SCUBE2: variants seen among roughly 807,000 people sequenced by gnomAD.
The protein encoded by SCUBE2 is signal peptide, CUB and EGF-like domain-containing protein 2.
A neutral mutation model predicts 125.9 loss-of-function variants in SCUBE2; 114 were observed. The observed-to-expected ratio is 0.91, with a 90% CI of 0.78 to 1.06. The LOEUF (loss-of-function observed/expected upper bound fraction) is 1.06, where lower values mean the gene tolerates loss of function less well. Among genes scored for constraint, SCUBE2 ranks in the 50% least tolerant of loss-of-function variants. The probability of loss-of-function intolerance (pLI) is 0.00; values close to 1 mark genes in which losing one functional copy is unlikely to be tolerated. For missense variants in SCUBE2, 1,255 were observed against 1,301.8 expected (o/e 0.96, Z 0.55); for synonymous variants, 459 against 492.9 (o/e 0.93, Z 0.91).
chr11:9,028,388 A>G (rs1111010), intron 19 of SCUBE2, among the ~76,000 whole-genome samples: 81,833 of 151,984 alleles, frequency 0.54, 22,234 homozygotes, highest in East Asian at 0.58. Flanking sequence ...CAGTAGGTAC[A>G]GGGCATGCTG....
rs764550688 is a variant in SCUBE2, at chr11:9,066,916, G to A, written c.644-103C>T. 1.6e-5 allele frequency: 15 copies of A among 913,472 alleles called. No homozygotes were observed. The Admixed American group carries it at 2.0e-4, about 12-fold the overall frequency. The allele number at this position is 913,472 out of a possible 1,614,324, so 56.6% of individuals were successfully genotyped here. ...TGATTTTCATTCTGCAAGTATTTGA[G>A]CACCTAGTGCATGCCAGGCATGGTG... On this transcript the variant is annotated intron_variant, in intron 5 of 22. Coordinates refer to ENST00000649792, the MANE Select transcript of SCUBE2 (RefSeq NM_001367977.2).
At position 9,091,277 on chromosome 11, in the gene SCUBE2, G is replaced by A. The variant is rs964035373; in HGVS notation, c.133+119C>T. On this transcript the variant is annotated intron_variant, in intron 1 of 22. Coordinates refer to ENST00000649792, the MANE Select transcript of SCUBE2 (RefSeq NM_001367977.2). This position sits in a 1 kb window ranked among gnomAD's most constrained non-coding sequence, Gnocchi z 8.5. Reference sequence around the variant, plus strand: ...TCCCGGGGGGAGCAGAGGCCCCCGCGGAGCTGCAGCCGCCAGCCCCGAGCC... The same window carrying A: ...TCCCGGGGGGAGCAGAGGCCCCCGCAGAGCTGCAGCCGCCAGCCCCGAGCC... 2.9e-6 allele frequency: 2 copies of A among 680,842 alleles called. No homozygotes were observed. Among genetic ancestry groups the A allele is most frequent in the Non-Finnish European group, 4.0e-6 (2 of 499,354 alleles). 42.2% of individuals were successfully genotyped at this position (680,842 alleles called of 1,614,324 possible). A position where few individuals can be genotyped will look rare whatever the true frequency, so the allele number is the denominator to read the frequency against.
intron 5 of SCUBE2, among the ~76,000 whole-genome samples, 194 bp from the exon 6 acceptor site, chr11:9,067,007 T>C (rs543453540): frequency 3.0e-4 from 46 of 152,264 alleles, no homozygotes; most frequent in African/African-American, 1.0e-3. Flanking sequence ...ACAATACAAA[T>C]TGTAGAAATG....
chr11:9,089,940 A>G, intron 1 of SCUBE2, 111 bp from the exon 2 acceptor site: 2 of 1,367,282 alleles, frequency 1.5e-6, no homozygotes, highest in Non-Finnish European at 2.0e-6. Context: ...ACTCCTCACA[A>G]GCTACAGCTG....
At chr11:9,055,677 G>T in intron 10 of SCUBE2, 116 bp downstream of exon 10, 1 of 746,766 alleles carries the variant, frequency 1.3e-6, no homozygotes, top group South Asian at 1.6e-5. Context: ...ATTGCTCAGG[G>T]ACTGCAATGT....
chr11:9,021,851 A>T lies in SCUBE2; in HGVS notation c.2934+25T>A, dbSNP rs775957120. On this transcript the variant is annotated intron_variant, in intron 22 of 22. Transcript: ENST00000649792. ...TCGGGAAGCTCTGTGGATAACTGCC[A>T]TGTCCACCTGAGCCAGGCACTCACC... 138 of 1,564,502 alleles carry T rather than the reference A, an allele frequency of 8.8e-5. 1 individual carries two copies. The Middle Eastern group carries it at 1.5e-3, about 17-fold the overall frequency.
chr11:9,070,162 A>AAGAG (rs970031180), intron 4 of SCUBE2, among the ~76,000 whole-genome samples: 13 of 151,452 alleles, frequency 8.6e-5, no homozygotes, highest in Admixed American at 8.5e-4. Flanking sequence ...AGAGAGAGAG[A>AAGAG]AGAGAGAGAG....
intron 2 of SCUBE2, among the ~76,000 whole-genome samples, chr11:9,088,450 G>A (rs543158590): frequency 2.5e-4 from 38 of 152,362 alleles, no homozygotes; most frequent in African/African-American, 7.2e-4. Context: ...TCAGTGAGCT[G>A]AGATCGCGCC....
chr11:9,059,641 C>T (rs1000084338), intron 8 of SCUBE2: 28 of 577,758 alleles, frequency 4.8e-5, no homozygotes, highest in South Asian at 2.6e-4. Flanking sequence ...GTCTTGAGAA[C>T]GCTGACTTAT....
At chr11:9,025,526 G>T in intron 21 of SCUBE2, 176 bp downstream of exon 21, 1 of 606,172 alleles carries the variant, frequency 1.6e-6, no homozygotes, top group Non-Finnish European at 2.9e-6. Context: ...TCCTCCTATT[G>T]TCAGTGTCCC....
chr11:9,080,479 A>G (rs1861542976), intron 2 of SCUBE2, among the ~76,000 whole-genome samples: 1 of 152,044 alleles, frequency 6.6e-6, no homozygotes, highest in Non-Finnish European at 1.5e-5. Context: ...TGAGACCCCC[A>G]TCTCTACAAA....
At chr11:9,037,734 T>C (rs1404412894) in intron 16 of SCUBE2, among the ~76,000 whole-genome samples, 1 of 152,222 alleles carries the variant, frequency 6.6e-6, no homozygotes, top group African/African-American at 2.4e-5. Context: ...ACAGTCCTTC[T>C]TGGGCTGAGA....
At chr11:9,071,725 T>C (rs1235888312) in intron 4 of SCUBE2, among the ~76,000 whole-genome samples, 2 of 152,172 alleles carry the variant, frequency 1.3e-5, no homozygotes. Flanking sequence ...AAATATGCCT[T>C]GTGAATTGGG....
At chr11:9,042,188 A>G (rs1216545304) in intron 16 of SCUBE2, among the ~76,000 whole-genome samples, 1 of 151,778 alleles carries the variant, frequency 6.6e-6, no homozygotes, top group Non-Finnish European at 1.5e-5. Context: ...AAGCATCTCT[A>G]TTTTCCCAGG....
intron 18 of SCUBE2, 49 bp from the exon 19 acceptor site, chr11:9,030,094 T>C: frequency 6.3e-7 from 1 of 1,582,394 alleles, no homozygotes; most frequent in Non-Finnish European, 8.6e-7. Flanking sequence ...AAGATTATTT[T>C]TAATCAAATG....
rs777554754 is a variant in SCUBE2, at chr11:9,050,646, A to G, written c.1599T>C (p.Asn533=). ...KLNEGKCSLK[N]AELFPEGLRP... Reference sequence around the variant, plus strand: ...GCAGACCCTCGGGAAACAGCTCAGCATTTTTCAAACTACACTTGCCTTCAT... The same window carrying G: ...GCAGACCCTCGGGAAACAGCTCAGCGTTTTTCAAACTACACTTGCCTTCAT... The change falls in exon 14 of 23, where the codon AAT becomes AAC. Residue 533 remains asparagine, a synonymous_variant. Transcript: ENST00000649792. 6 of 1,614,092 alleles carry G rather than the reference A, an allele frequency of 3.7e-6. No individual in the cohort carries two copies. The highest frequency in any genetic ancestry group is 5.1e-6 in the Non-Finnish European group (6 of 1,180,028).
rs754324991 is a variant in SCUBE2 at position 9,021,932 on chromosome 11, C to G, written c.2878G>C (p.Asp960His). The G allele has an allele frequency of 2.2e-5, 36 of 1,613,574 alleles. No individual in the cohort carries two copies. The highest frequency in any genetic ancestry group is 3.0e-5 in the Non-Finnish European group (35 of 1,179,606). Reference protein sequence around the residue: ...YDEDYQELIEDIVRDGRLYAS... With the variant: ...YDEDYQELIEHIVRDGRLYAS... ...TAGAGCCTGCCATCTCGAACTATGT[C>G]TTCAATGAGTTCCTGGTAGTCCTCT... Residue 960 changes from aspartate (D) to histidine (H), a missense_variant, in exon 22 of 23, where the codon GAC (aspartate) becomes CAC (histidine). Physicochemically the swap from Asp to His is moderately conservative, Grantham distance 81 (BLOSUM62 -1). Around this residue, in one of 3 missense-constraint regions of SCUBE2, gnomAD observed 515 missense variants for 515.7 expected, o/e 1.00. Coordinates refer to ENST00000649792, the MANE Select transcript of SCUBE2 (RefSeq NM_001367977.2).
chr11:9,053,161 C>G lies in SCUBE2; in HGVS notation c.1385G>C (p.Gly462Ala), dbSNP rs756740756. The G allele has an allele frequency of 6.2e-7, 1 of 1,614,134 alleles. No homozygotes were observed. The highest frequency in any genetic ancestry group is 1.3e-5 in the African/African-American group (1 of 74,958). Residue 462 changes from glycine to alanine, a missense_variant, in exon 12 of 23, where the codon GGT becomes GCT. Physicochemically the swap from Gly to Ala is moderately conservative, Grantham distance 60. Coordinates refer to ENST00000649792, the MANE Select transcript of SCUBE2 (RefSeq NM_001367977.2). ...GCACCCGTCTCCTCCACCACTCTTA[C>G]CGCAGTGCAGGGACACACGGGGTGA... ...SVSPRVSLHC[G>A]KSGGGDGCFL...
Position 9,091,466 on chromosome 11 carries a change from C to CAGA in SCUBE2, c.62_63insTCT (p.Leu22dup). Reference sequence around the variant, plus strand: ...CCGCCAGCAGCAGCAGTGGCGGCAGCAGCAGCAGCAGCAGCAGCACCGCCC... The same window carrying CAGA: ...CCGCCAGCAGCAGCAGTGGCGGCAGCAGAAGCAGCAGCAGCAGCAGCACCGCCC... On this transcript the variant is annotated inframe_insertion, in exon 1 of 23. Transcript: ENST00000649792. This position sits in a 1 kb window ranked among gnomAD's most constrained non-coding sequence, Gnocchi z 8.5. 1 of 1,188,136 alleles carries CAGA rather than the reference C, an allele frequency of 8.4e-7. No homozygotes were observed. The highest frequency in any genetic ancestry group is 3.1e-4 in the Middle Eastern group (1 of 3,210). 73.6% of individuals were successfully genotyped at this position (1,188,136 alleles called of 1,614,324 possible).
Sources: allele counts gnomAD v4.1 joint callset (sites outside exome capture counted in the v4.1 genomes callset), GRCh38; gene constraint gnomAD v4.1.1; regional missense constraint gnomAD v4.1.1; non-coding constraint Gnocchi (gnomAD v3.1); transcripts MANE v1.5; gene names NCBI Gene and HGNC (gene_info 2026-07-23, HGNC 2026-07-21).